The following DLG2 variants were observed in gnomAD, a reference collection of about 807,000 sequenced individuals.
The protein encoded by DLG2 is disks large homolog 2.
DLG2 carries 45 observed loss-of-function variants against 132.5 expected under a neutral mutation model. The ratio of observed to expected loss-of-function variants is 0.34; its 90% confidence interval spans 0.27 to 0.44. The LOEUF (loss-of-function observed/expected upper bound fraction) is 0.44. DLG2 is among the 20% of genes least tolerant of loss of function. The pLI is 1.00. For missense variants in DLG2, 1,045 were observed against 1,196.9 expected (o/e 0.87, Z 1.87); for synonymous variants, 424 against 419.6 (o/e 1.01, Z -0.13).
intron 9 of DLG2, among the ~76,000 whole-genome samples, chr11:84,132,932 G>C (rs1289733308): frequency 6.6e-6 from 1 of 151,956 alleles, no homozygotes; most frequent in African/African-American, 2.4e-5. Context: ...AACAGGAAAT[G>C]GAGAAAAGTA....
At chr11:83,623,208 T>C (rs1347768689) in intron 19 of DLG2, among the ~76,000 whole-genome samples, 2 of 152,224 alleles carry the variant, frequency 1.3e-5, no homozygotes, top group African/African-American at 4.8e-5. Context: ...GTTTAAAGTC[T>C]ATTTTATTTG....
intron 3 of DLG2, among the ~76,000 whole-genome samples, chr11:85,496,370 G>A (rs1410076553): frequency 6.6e-6 from 1 of 152,170 alleles, no homozygotes; most frequent in Admixed American, 6.5e-5. Context: ...CATTGCTGAG[G>A]CTTGAGTAGG....
chr11:85,477,841 T>C (rs921149412), intron 3 of DLG2, among the ~76,000 whole-genome samples: 10 of 152,236 alleles, frequency 6.6e-5, no homozygotes, highest in African/African-American at 2.4e-4. Flanking sequence ...CCTCTAGCAC[T>C]AATTTAATAA....
intron 16 of DLG2, among the ~76,000 whole-genome samples, chr11:83,841,604 C>T (rs755947125): frequency 6.6e-6 from 1 of 152,170 alleles, no homozygotes; most frequent in African/African-American, 2.4e-5. Context: ...GAGACCCATA[C>T]AAAACGACAT....
At chr11:84,509,274 G>A (rs1460266582) in intron 7 of DLG2, among the ~76,000 whole-genome samples, 3 of 152,136 alleles carry the variant, frequency 2.0e-5, no homozygotes, top group Admixed American at 6.5e-5. Context: ...GTCCTAAGAA[G>A]CAACAAATAA....
intron 6 of DLG2, among the ~76,000 whole-genome samples, chr11:84,833,303 C>G (rs965592302): frequency 2.0e-5 from 3 of 151,544 alleles, no homozygotes; most frequent in African/African-American, 7.3e-5. Flanking sequence ...AAGCCAATAC[C>G]AGTTCAACGT....
intron 17 of DLG2, among the ~76,000 whole-genome samples, chr11:83,821,265 A>G (rs747136347): frequency 2.0e-5 from 3 of 152,162 alleles, no homozygotes; most frequent in Non-Finnish European, 4.4e-5. Context: ...CTCATGTATG[A>G]GCAATTTGCT....
chr11:84,450,234 C>T (rs939978394), intron 7 of DLG2, among the ~76,000 whole-genome samples: 2 of 151,456 alleles, frequency 1.3e-5, no homozygotes, highest in Non-Finnish European at 3.0e-5. Flanking sequence ...TAAGCCATGG[C>T]GTAACAGTAC....
At chr11:85,243,504 C>CT (rs1400878379) in intron 4 of DLG2, among the ~76,000 whole-genome samples, 1 of 151,906 alleles carries the variant, frequency 6.6e-6, no homozygotes, top group African/African-American at 2.4e-5. Flanking sequence ...TACCATTAGT[C>CT]TTTTTCATGG....
chr11:85,417,603 T>C (rs1484975381), intron 3 of DLG2, among the ~76,000 whole-genome samples: 1 of 152,216 alleles, frequency 6.6e-6, no homozygotes, highest in Admixed American at 6.5e-5. Context: ...AGGCTATTAA[T>C]TACTGCTTCA....
intron 21 of DLG2, among the ~76,000 whole-genome samples, chr11:83,526,548 T>C (rs1208213329): frequency 6.6e-6 from 1 of 152,144 alleles, no homozygotes. Flanking sequence ...GCAGCCTGTA[T>C]AGGCAGTGAT....
intron 4 of DLG2, among the ~76,000 whole-genome samples, chr11:85,185,560 T>C (rs1343048624): frequency 6.6e-6 from 1 of 151,936 alleles, no homozygotes; most frequent in Non-Finnish European, 1.5e-5. Context: ...GATTCTCTCA[T>C]GACTCCATGC....
intron 5 of DLG2, among the ~76,000 whole-genome samples, chr11:85,147,763 T>C (rs2076960063): frequency 6.6e-6 from 1 of 151,972 alleles, no homozygotes; most frequent in East Asian, 1.9e-4. Context: ...TTTTACTTTA[T>C]GTTCCAGGAT....
At chr11:84,445,423 A>G (rs1415745897) in intron 7 of DLG2, among the ~76,000 whole-genome samples, 1 of 152,188 alleles carries the variant, frequency 6.6e-6, no homozygotes, top group African/African-American at 2.4e-5. Context: ...TAAATCGACA[A>G]TGATTTTCCC....
At chr11:85,438,749 G>A (rs913712527) in intron 3 of DLG2, among the ~76,000 whole-genome samples, 1 of 152,024 alleles carries the variant, frequency 6.6e-6, no homozygotes, top group African/African-American at 2.4e-5. Flanking sequence ...CATGTACGTA[G>A]GTTCCAGTTT....
intron 6 of DLG2, among the ~76,000 whole-genome samples, chr11:84,654,369 G>T (rs1032077138): frequency 3.9e-5 from 6 of 152,136 alleles, no homozygotes; most frequent in Non-Finnish European, 8.8e-5. Flanking sequence ...ATTCATAAAT[G>T]TTTTCTTAAA....
intron 6 of DLG2, among the ~76,000 whole-genome samples, chr11:84,600,228 A>AAG (rs1301083515): frequency 3.6e-5 from 4 of 110,948 alleles, no homozygotes; most frequent in South Asian, 3.2e-4. Flanking sequence ...AAGAAAGAGA[A>AAG]AGAAAGACAG....
At chr11:84,899,777 AT>A (rs1437100880) in intron 6 of DLG2, among the ~76,000 whole-genome samples, 1 of 152,074 alleles carries the variant, frequency 6.6e-6, no homozygotes, top group Non-Finnish European at 1.5e-5. Flanking sequence ...AAAGCTATGC[AT>A]TAGCTGTTTC....
chr11:84,120,108 A>G (rs2093834171), intron 9 of DLG2, among the ~76,000 whole-genome samples: 1 of 152,132 alleles, frequency 6.6e-6, no homozygotes, highest in African/African-American at 2.4e-5. Flanking sequence ...AGTGAGGTGG[A>G]TATTCTTTTT....
Sources: gnomAD v4.1 joint callset for allele counts (sites outside exome capture counted in the v4.1 genomes callset) on GRCh38, gnomAD v4.1.1 for gene constraint, MANE v1.5 for transcripts, NCBI Gene and HGNC (gene_info 2026-07-23, HGNC 2026-07-21) for gene names.